Variants in PIWIL3 observed in about 807,000 individuals in gnomAD.
PIWIL3 encodes piwi like RNA-mediated gene silencing 3, also known as piwi-like protein 3.
In PIWIL3, 101 loss-of-function variants were observed where a neutral mutation model predicts 109.7. That is an observed-to-expected ratio of 0.92 (90% CI 0.78 to 1.09). The LOEUF (loss-of-function observed/expected upper bound fraction) is 1.09, where lower values mean the gene tolerates loss of function less well. PIWIL3 is among the 50% of genes least tolerant of loss of function. The pLI, the probability that PIWIL3 is intolerant of heterozygous loss-of-function variation, is 0.00. For missense variants in PIWIL3, 1,031 were observed against 1,072.6 expected, an observed-to-expected ratio of 0.96 and a Z score of 0.54; for synonymous variants, 373 against 376.4, an observed-to-expected ratio of 0.99 and a Z score of 0.10.
chr22:24,774,540 G>A lies in PIWIL3; in HGVS notation c.-241C>T, dbSNP rs1410801472. 2 of 152,744 alleles carry A rather than the reference G, an allele frequency of 1.3e-5. No individual in the cohort carries two copies. The highest frequency in any genetic ancestry group is 6.5e-5 in the Admixed American group (1 of 15,284). The allele number at this position is 152,744 out of a possible 1,614,324, so 9.5% of individuals were successfully genotyped here. ...AAAACCGCTTTGGCCGGGCGCGGTGGCTCACGCCTGTAATCCCAGCACTTT... is the reference window on the plus strand; with the variant it reads ...AAAACCGCTTTGGCCGGGCGCGGTGACTCACGCCTGTAATCCCAGCACTTT... On this transcript the variant is annotated 5_prime_UTR_variant, in exon 1 of 21. Coordinates refer to ENST00000616349, the MANE Select transcript of PIWIL3 (RefSeq NM_001255975.1).
At chr22:24,769,502 C>G (rs1000582331) in intron 1 of PIWIL3, among the ~76,000 whole-genome samples, 10 of 152,108 alleles carry the variant, frequency 6.6e-5, no homozygotes, top group Admixed American at 6.6e-4. Context: ...GTCCCAGCTA[C>G]TTGGGAGGCT....
rs993219135 is a variant in PIWIL3 at position 24,749,030 on chromosome 22, T to A, written c.1335-9A>T. 2 of 1,585,646 alleles carry A rather than the reference T, an allele frequency of 1.3e-6. No homozygotes were observed. Among genetic ancestry groups the A allele is most frequent in the African/African-American group, 2.7e-5 (2 of 74,268 alleles). ...CTCGTACTTTTTTATTACTGAAAAT[T>A]AAAATATTGCCAACATGATCAAACC... On this transcript the variant is annotated splice_polypyrimidine_tract_variant and intron_variant, in intron 11 of 20. Transcript: ENST00000616349.
intron 16 of PIWIL3, among the ~76,000 whole-genome samples, chr22:24,726,710 T>C (rs1923022602): frequency 6.6e-6 from 1 of 152,240 alleles, no homozygotes; most frequent in South Asian, 2.1e-4. Context: ...TTTTTCCCTA[T>C]GATTGCAACG....
chr22:24,761,492 G>T (rs1925437961), intron 2 of PIWIL3, among the ~76,000 whole-genome samples: 1 of 152,218 alleles, frequency 6.6e-6, no homozygotes, highest in Non-Finnish European at 1.5e-5. Flanking sequence ...GTTTCTTGAT[G>T]AATGGGAGTG....
chr22:24,765,032 A>T (rs946871391), intron 1 of PIWIL3, among the ~76,000 whole-genome samples: 9 of 152,240 alleles, frequency 5.9e-5, no homozygotes, highest in African/African-American at 2.2e-4. Flanking sequence ...GAGCTGAGCC[A>T]GTTGTCCTGT....
At chr22:24,742,208 C>T (rs537722665) in intron 12 of PIWIL3, among the ~76,000 whole-genome samples, 2 of 148,356 alleles carry the variant, frequency 1.3e-5, no homozygotes, top group East Asian at 4.0e-4. Context: ...TAAAAGACCT[C>T]TATAAGGAAA....
intron 1 of PIWIL3, among the ~76,000 whole-genome samples, chr22:24,771,133 G>A (rs1002494858): frequency 6.6e-6 from 1 of 151,974 alleles, no homozygotes; most frequent in Non-Finnish European, 1.5e-5. Flanking sequence ...TTGGAGGCAT[G>A]AGCCTGGTCA....
In PIWIL3 at chr22:24,720,263, T is replaced by G. The variant is rs895615694; in HGVS notation, c.2358-368A>C. On this transcript the variant is annotated intron_variant, in intron 19 of 20. Coordinates refer to ENST00000616349, the MANE Select transcript of PIWIL3 (RefSeq NM_001255975.1). ...TCACTGGACTATATTTAAACTGTTT[T>G]TTTTTTTTTTTTTTTTTTTTTTTTT... 7.5e-3 allele frequency among the ~76,000 whole-genome samples: 398 copies of G among 53,000 alleles called. 11 individuals are homozygous for G. The highest frequency in any genetic ancestry group is 0.027 in the African/African-American group (240 of 8,884). The allele number at this position is 53,000 out of a possible 152,430, so 34.8% of individuals were successfully genotyped here. A position where few individuals can be genotyped will look rare whatever the true frequency, so the allele number is the denominator to read the frequency against.
chr22:24,719,359 C>T lies in PIWIL3; in HGVS notation c.*113G>A, dbSNP rs1043215616. The T allele has an allele frequency of 4.6e-5, 37 of 802,166 alleles. No homozygotes were observed. The South Asian group carries it at 5.5e-4, about 12-fold the overall frequency. The allele number at this position is 802,166 out of a possible 1,614,324, so 49.7% of individuals were successfully genotyped here. On this transcript the variant is annotated 3_prime_UTR_variant, in exon 21 of 21. Transcript: ENST00000616349. ...AATCTCTCCTGTGTCCAATCAAAAA[C>T]GATGAGAATTTAATGCTATGGACCT...
intron 12 of PIWIL3, among the ~76,000 whole-genome samples, chr22:24,740,483 G>A (rs1256936725): frequency 7.0e-6 from 1 of 143,278 alleles, no homozygotes; most frequent in Non-Finnish European, 1.5e-5. Flanking sequence ...GGGAGGCAGA[G>A]TTTGCAGTGA....
intron 1 of PIWIL3, among the ~76,000 whole-genome samples, chr22:24,764,818 T>C (rs9624586): frequency 0.24 from 37,137 of 152,038 alleles, 4,755 homozygotes; most frequent in Admixed American, 0.35. Context: ...CGGGAAAAGT[T>C]TGCCTGCCAT....
chr22:24,765,514 C>CT (rs1257444362), intron 1 of PIWIL3, among the ~76,000 whole-genome samples: 2 of 152,082 alleles, frequency 1.3e-5, no homozygotes, highest in Non-Finnish European at 2.9e-5. Context: ...ATTTGTATTT[C>CT]TTTTTAATTA....
chr22:24,724,592 G>A (rs779958715), intron 18 of PIWIL3, among the ~76,000 whole-genome samples: 8 of 151,822 alleles, frequency 5.3e-5, no homozygotes, highest in East Asian at 3.9e-4. Flanking sequence ...GCACCACCAC[G>A]CCCGGCTAAT....
chr22:24,752,117 G>A (rs1330656497), intron 8 of PIWIL3, among the ~76,000 whole-genome samples: 1 of 151,484 alleles, frequency 6.6e-6, no homozygotes, highest in Non-Finnish European at 1.5e-5. Context: ...ATATGGTGAT[G>A]ATATAGGAGT....
At chr22:24,749,279 C>G in intron 11 of PIWIL3, 125 bp downstream of exon 11, 1 of 1,434,572 alleles carries the variant, frequency 7.0e-7, no homozygotes, top group African/African-American at 1.4e-5. Context: ...TGTCCCCCAA[C>G]ATCAAAATTC....
chr22:24,749,839 C>A lies in PIWIL3; in HGVS notation c.1090-20G>T. 7 of 1,613,644 alleles carry A rather than the reference C, an allele frequency of 4.3e-6. No homozygotes were observed. Among genetic ancestry groups the A allele is most frequent in the Non-Finnish European group, 5.1e-6 (6 of 1,179,778 alleles). ...ATGTTGCTGCTCAACAAACAAGAGA[C>A]CAGCATGACCATCAGTGAAACCTTA... is the stretch of plus-strand genomic sequence containing the variant. On this transcript the variant is annotated intron_variant, in intron 9 of 20. Transcript: ENST00000616349.
At chr22:24,741,858 T>A (rs568735864) in intron 12 of PIWIL3, among the ~76,000 whole-genome samples, 1 of 149,364 alleles carries the variant, frequency 6.7e-6, no homozygotes, top group East Asian at 2.0e-4. Context: ...GCCCCCCGTT[T>A]CACCACTTCT....
chr22:24,731,180 C>A (rs559649946), intron 14 of PIWIL3, among the ~76,000 whole-genome samples: 16 of 152,186 alleles, frequency 1.1e-4, no homozygotes, highest in African/African-American at 3.4e-4. Context: ...GAAGAAAATC[C>A]CCAGGCCTCC....
At chr22:24,758,131 G>GA (rs1260071531) in intron 3 of PIWIL3, 92 bp from the exon 4 acceptor site, 2 of 1,388,296 alleles carry the variant, frequency 1.4e-6, no homozygotes, top group African/African-American at 1.5e-5. Flanking sequence ...GTTAGAGGTA[G>GA]AAAAGATGCC....
Sources: gnomAD v4.1 joint callset for allele counts (sites outside exome capture counted in the v4.1 genomes callset) on GRCh38, gnomAD v4.1.1 for gene constraint, MANE v1.5 for transcripts, NCBI Gene and HGNC (gene_info 2026-07-23, HGNC 2026-07-21) for gene names.